The following TMEM39A variants were observed in gnomAD, a reference collection of about 807,000 sequenced individuals.
TMEM39A encodes suppressor of SQST-1 aggregates in rpl-43 mutants.
Under a neutral mutation model 51.9 loss-of-function variants are expected in TMEM39A, and 19 were observed. The observed-to-expected ratio is 0.37, with a 90% confidence interval of 0.26 to 0.54. The LOEUF (loss-of-function observed/expected upper bound fraction) is 0.54. Ranked by LOEUF, TMEM39A falls within the 20% of genes least tolerant of loss-of-function variation. The probability of loss-of-function intolerance (pLI) is 0.88; values close to 1 mark genes in which losing one functional copy is unlikely to be tolerated. For synonymous variants in TMEM39A, 197 were observed against 220.2 expected, an observed-to-expected ratio of 0.89 and a Z score of 0.93; for missense variants, 433 against 590.5, an observed-to-expected ratio of 0.73 and a Z score of 2.76.
At chr3:119,443,880 G>C (rs2081089412) in intron 5 of TMEM39A, among the ~76,000 whole-genome samples, 1 of 151,690 alleles carries the variant, frequency 6.6e-6, no homozygotes, top group Non-Finnish European at 1.5e-5. Context: ...ACTCCAGCCT[G>C]GGCAACACAG....
Position 119,458,213 on chromosome 3 carries a change from G to A in TMEM39A, c.141C>T (p.Val47=), listed in dbSNP as rs1359232493. 6.2e-7 allele frequency: 1 copy of A among 1,613,936 alleles called. No homozygotes were observed. Among genetic ancestry groups the A allele is most frequent in the African/African-American group, 1.3e-5 (1 of 74,932 alleles). The change falls in exon 3 of 9, where the codon GTC becomes GTT. Residue 47 remains valine, a synonymous_variant. Coordinates refer to ENST00000319172, the MANE Select transcript of TMEM39A (RefSeq NM_018266.3). The part of the protein sequence containing the change: ...NRNGSAIGLP[V]PPITALITPG... ...GGGTGATTAAGGCTGTGATAGGTGGGACTGGAAGGCCAATAGCACTACCAT... is the reference window on the plus strand; with the variant it reads ...GGGTGATTAAGGCTGTGATAGGTGGAACTGGAAGGCCAATAGCACTACCAT...
chr3:119,449,489 G>A (rs1336429099), intron 4 of TMEM39A, among the ~76,000 whole-genome samples: 1 of 152,058 alleles, frequency 6.6e-6, no homozygotes, highest in African/African-American at 2.4e-5. Flanking sequence ...CAGGAGAATC[G>A]CTTGAACCAA....
intron 5 of TMEM39A, among the ~76,000 whole-genome samples, chr3:119,439,368 G>A (rs2107664811): frequency 6.6e-6 from 1 of 152,230 alleles, no homozygotes; most frequent in African/African-American, 2.4e-5. Context: ...GTCACCTGAG[G>A]TCAGGAGTTC....
intron 2 of TMEM39A, among the ~76,000 whole-genome samples, chr3:119,460,739 G>C (rs531798924): frequency 6.6e-6 from 1 of 152,300 alleles, no homozygotes; most frequent in Middle Eastern, 3.4e-3. Context: ...GAGTTAGGAG[G>C]CAAAGTTAGA....
chr3:119,461,848 A>G, intron 2 of TMEM39A, 114 bp downstream of exon 2: 1 of 827,206 alleles, frequency 1.2e-6, no homozygotes. Flanking sequence ...GATTTCTACC[A>G]CAGTGTCAAG....
intron 5 of TMEM39A, among the ~76,000 whole-genome samples, chr3:119,442,911 C>G (rs1191291559): frequency 1.3e-5 from 2 of 151,556 alleles, no homozygotes; most frequent in Non-Finnish European, 2.9e-5. Flanking sequence ...AAACAAAATA[C>G]AAAAATTAGC....
In TMEM39A at chr3:119,461,701, T is replaced by C. The variant is rs551413019; in HGVS notation, c.113+261A>G. 6.6e-5 allele frequency among the ~76,000 whole-genome samples: 10 copies of C among 152,302 alleles called. No homozygotes were observed. The East Asian group carries it at 1.5e-3, about 24-fold the overall frequency. On this transcript the variant is annotated intron_variant, in intron 2 of 8. Coordinates refer to ENST00000319172, the MANE Select transcript of TMEM39A (RefSeq NM_018266.3). Reference sequence around the variant, plus strand: ...TTCATTCACTTCTCCCTTCTTCTAATAGATAAAAAGGGGATAACAAGAATT... The same window carrying C: ...TTCATTCACTTCTCCCTTCTTCTAACAGATAAAAAGGGGATAACAAGAATT...
At chr3:119,440,625 C>G (rs1421887170) in intron 5 of TMEM39A, among the ~76,000 whole-genome samples, 1 of 151,980 alleles carries the variant, frequency 6.6e-6, no homozygotes, top group Non-Finnish European at 1.5e-5. Flanking sequence ...CAGAAAAGGG[C>G]CTCTTTCTTA....
chr3:119,447,195 A>G, intron 4 of TMEM39A, 23 bp from the exon 5 acceptor site: 1 of 1,603,838 alleles, frequency 6.2e-7, no homozygotes, highest in Non-Finnish European at 8.5e-7. Flanking sequence ...AAGCACCAAA[A>G]TGAACATTTT....
chr3:119,445,150 G>A (rs140234739), intron 5 of TMEM39A, among the ~76,000 whole-genome samples: 1,703 of 152,260 alleles, frequency 0.011, 46 homozygotes, highest in Admixed American at 0.043. Context: ...GAATCTTGTG[G>A]AGTATGTGTA....
chr3:119,450,826 CAAAAAAAAAAAAAAAAAA>C (rs60326718), intron 4 of TMEM39A, among the ~76,000 whole-genome samples: 2 of 55,900 alleles, frequency 3.6e-5, no homozygotes, highest in African/African-American at 1.5e-4. Context: ...GACTCCATCT[CAAAAAAAAAAAAAAAAAA>C]AAAAAAAGAA....
chr3:119,433,409 C>G (rs939778720), intron 8 of TMEM39A, among the ~76,000 whole-genome samples: 1 of 152,034 alleles, frequency 6.6e-6, no homozygotes, highest in African/African-American at 2.4e-5. Context: ...AATAGTGGGC[C>G]AGGTGATTTA....
chr3:119,448,642 G>A (rs1386021433), intron 4 of TMEM39A, among the ~76,000 whole-genome samples: 3 of 152,182 alleles, frequency 2.0e-5, no homozygotes, highest in Non-Finnish European at 4.4e-5. Flanking sequence ...CTCAGTCATA[G>A]CCTGGCACAT....
intron 2 of TMEM39A, among the ~76,000 whole-genome samples, chr3:119,459,569 A>G (rs1289061026): frequency 2.0e-5 from 3 of 152,232 alleles, no homozygotes; most frequent in Non-Finnish European, 4.4e-5. Flanking sequence ...AAATCCAGAA[A>G]TACACAATAT....
intron 8 of TMEM39A, among the ~76,000 whole-genome samples, chr3:119,432,750 T>C (rs996580997): frequency 3.3e-5 from 5 of 152,096 alleles, no homozygotes; most frequent in East Asian, 3.8e-4. Flanking sequence ...ATGAATACAA[T>C]AGTTTCTTAG....
At position 119,431,741 on chromosome 3, in the gene TMEM39A, A is replaced by C. The variant is rs2080903584; in HGVS notation, c.*240T>G. ...AGTTATTCCAGAGCCATACAAACAA[A>C]TCAATCTCTTTACTGGACAGGCATA... On this transcript the variant is annotated 3_prime_UTR_variant, in exon 9 of 9. Transcript: ENST00000319172. The C allele has an allele frequency of 3.2e-6, 1 of 314,046 alleles. No homozygotes were observed. The highest frequency in any genetic ancestry group is 5.8e-6 in the Non-Finnish European group (1 of 171,646). The allele number at this position is 314,046 out of a possible 1,614,324, so 19.5% of individuals were successfully genotyped here.
intron 2 of TMEM39A, among the ~76,000 whole-genome samples, chr3:119,461,574 AT>A (rs2081338369): frequency 6.6e-6 from 1 of 152,174 alleles, no homozygotes; most frequent in Non-Finnish European, 1.5e-5. Flanking sequence ...AGACCAAACA[AT>A]TTTTTGACAA....
chr3:119,435,117 G>C (rs1262567147), intron 7 of TMEM39A: 1 of 985,172 alleles, frequency 1.0e-6, no homozygotes, highest in Non-Finnish European at 1.2e-6. Flanking sequence ...TTAACTCAGT[G>C]TCAAAGGACT....
intron 7 of TMEM39A, chr3:119,435,577 T>TA (rs766264250): frequency 0.017 from 13,316 of 779,884 alleles, 1 homozygote; most frequent in South Asian, 0.02. Context: ...TTAAGCTTTT[T>TA]AAAAAAAAAA....
Sources: gnomAD v4.1 joint callset for allele counts (sites outside exome capture counted in the v4.1 genomes callset) on GRCh38, gnomAD v4.1.1 for gene constraint, MANE v1.5 for transcripts, NCBI Gene and HGNC (gene_info 2026-07-23, HGNC 2026-07-21) for gene names.